Variants in CD163 observed in about 807,000 individuals in gnomAD.
CD163 encodes scavenger receptor cysteine-rich type 1 protein M130.
A neutral mutation model predicts 129.2 loss-of-function variants in CD163; 64 were observed. The observed-to-expected ratio is 0.50, with a 90% CI of 0.41 to 0.61. The LOEUF is 0.61. Ranked by LOEUF, CD163 falls within the 20% of genes least tolerant of loss-of-function variation. CD163 has a pLI of 0.00. For synonymous variants in CD163, 446 were observed against 478.5 expected (o/e 0.93, Z 0.89); for missense variants, 1,061 against 1,377.9 (o/e 0.77, Z 3.64).
chr12:7,503,677 C>T lies in CD163; in HGVS notation c.14G>A (p.Arg5Lys), dbSNP rs766358111. Residue 5 changes from arginine to lysine, a missense_variant, in exon 1 of 17, where the codon AGA becomes AAA. By Grantham distance (26) the Arg-to-Lys change is conservative. Coordinates refer to ENST00000432237, the MANE Select transcript of CD163 (RefSeq NM_203416.4). MSKL[R>K]MVLLEDSGSA... ...TCCAGAGTCTTCAAGTAGCACCATT[C>T]TGAGTTTGCTCATTCCAAAGATTTA... 3.1e-6 allele frequency: 5 copies of T among 1,600,822 alleles called. No individual in the cohort carries two copies. The highest frequency in any genetic ancestry group is 3.4e-6 in the Non-Finnish European group (4 of 1,170,450).
In CD163 at chr12:7,486,906, C is replaced by T. The variant is rs1277333020; in HGVS notation, c.2131G>A (p.Val711Met). The change falls in exon 9 of 17, where the codon GTG becomes ATG. Residue 711 changes from valine (V) to methionine (M), a missense_variant. Physicochemically the swap from Val to Met is conservative, Grantham distance 21. Coordinates refer to ENST00000432237, the MANE Select transcript of CD163 (RefSeq NM_203416.4). ...TRPTIPEESA[V>M]ACIESGQLRL... ...CACAGAGTCTTACCTATGCAGGCCACAGCACTTTCTTCTGGAATGGTAGGC... is the reference window on the plus strand; with the variant it reads ...CACAGAGTCTTACCTATGCAGGCCATAGCACTTTCTTCTGGAATGGTAGGC... 1 of 1,613,912 alleles carries T rather than the reference C, an allele frequency of 6.2e-7. No homozygotes were observed. The highest frequency in any genetic ancestry group is 8.5e-7 in the Non-Finnish European group (1 of 1,179,792).
intron 1 of CD163, 25 bp from the exon 2 acceptor site, chr12:7,502,589 AG>A: frequency 8.3e-7 from 1 of 1,205,170 alleles, no homozygotes; most frequent in Non-Finnish European, 1.2e-6. Context: ...AGAGGGCAAA[AG>A]TAGCATCTTC....
chr12:7,487,456 G>T lies in CD163; in HGVS notation c.1953C>A (p.His651Gln). The change falls in exon 8 of 17, where the codon CAC becomes CAA. Residue 651 changes from histidine to glutamine, a missense_variant. Transcript: ENST00000432237. The surrounding 1 kb of genome is among the most constrained non-coding windows in gnomAD (Gnocchi z 5.1). The part of the protein sequence containing the change: ...GNGQIWRHMF[H>Q]CTGTEQHMGD... ...CCATGTGCTGCTCAGTCCCAGTGCA[G>T]TGAAACATATGCCTCCAGATCTGAC... is the stretch of plus-strand genomic sequence containing the variant. 1 of 1,614,182 alleles carries T rather than the reference G, an allele frequency of 6.2e-7. No individual in the cohort carries two copies. Among genetic ancestry groups the T allele is most frequent in the Non-Finnish European group, 8.5e-7 (1 of 1,180,016 alleles).
intron 16 of CD163, 107 bp downstream of exon 16, chr12:7,479,753 T>C: frequency 8.5e-7 from 1 of 1,178,620 alleles, no homozygotes; most frequent in Non-Finnish European, 1.2e-6. Flanking sequence ...CATAAGCAAA[T>C]AAAATATGTT....
intron 16 of CD163, among the ~76,000 whole-genome samples, chr12:7,476,223 AT>A (rs1949085245): frequency 2.0e-5 from 3 of 152,238 alleles, no homozygotes; most frequent in Non-Finnish European, 4.4e-5. Flanking sequence ...TCTTTACAGA[AT>A]TGGAAAAATC....
rs765420960 is a variant in CD163 at position 7,502,551 on chromosome 12, A to G, written c.60T>C (p.His20=). The G allele has an allele frequency of 6.4e-7, 1 of 1,566,632 alleles. No individual in the cohort carries two copies. Among genetic ancestry groups the G allele is most frequent in the South Asian group, 1.1e-5 (1 of 88,102 alleles). The change falls in exon 2 of 17, where the codon CAT becomes CAC. Residue 20 remains histidine (H), a synonymous_variant. Coordinates refer to ENST00000432237, the MANE Select transcript of CD163 (RefSeq NM_203416.4). ...TGGTGAAGGGACTCAAGTTGACAAA[A>G]TGTCTTCTGAAGTCTGTGAAAAAGA... ...EDSGSADFRR[H]FVNLSPFTIT... is the part of the protein sequence containing the mutation.
At chr12:7,498,305 G>A (rs779861015) in intron 4 of CD163, among the ~76,000 whole-genome samples, 1 of 151,970 alleles carries the variant, frequency 6.6e-6, no homozygotes, top group Non-Finnish European at 1.5e-5. Flanking sequence ...ACACACAAAC[G>A]ATTTTCCCCG....
chr12:7,471,528 T>G (rs1235995905), intron 16 of CD163, 131 bp from the exon 17 acceptor site: 1 of 146,260 alleles, frequency 6.8e-6, no homozygotes, highest in Non-Finnish European at 1.5e-5. Context: ...TTTTAAATGC[T>G]ATTTTTTTTT....
Position 7,487,141 on chromosome 12 carries a change from G to A in CD163, c.2051-155C>T, listed in dbSNP as rs1949262530. Reference sequence around the variant, plus strand: ...GAAATAAATCAGGTGCTTTGAGATGGGCTTGGCACATAGTAAGCACTGGAT... The same window carrying A: ...GAAATAAATCAGGTGCTTTGAGATGAGCTTGGCACATAGTAAGCACTGGAT... On this transcript the variant is annotated intron_variant, in intron 8 of 16. Coordinates refer to ENST00000432237, the MANE Select transcript of CD163 (RefSeq NM_203416.4). This position sits in a 1 kb window ranked among gnomAD's most constrained non-coding sequence, Gnocchi z 5.1. 6.6e-6 allele frequency among the ~76,000 whole-genome samples: 1 copy of A among 152,124 alleles called. No individual in the cohort carries two copies. Among genetic ancestry groups the A allele is most frequent in the South Asian group, 2.1e-4 (1 of 4,820 alleles).
chr12:7,483,565 G>A lies in CD163; in HGVS notation c.2890C>T (p.Gln964Ter). 5.0e-6 allele frequency: 8 copies of A among 1,613,742 alleles called. No homozygotes were observed. The highest frequency in any genetic ancestry group is 6.8e-6 in the Non-Finnish European group (8 of 1,179,946). Reference sequence around the variant, plus strand: ...CAGCCAAGTTGTTGACACACCACCTGAGCATCGTCCAAGTCCCAAGAGTCA... The same window carrying A: ...CAGCCAAGTTGTTGACACACCACCTAAGCATCGTCCAAGTCCCAAGAGTCA... The part of the protein sequence containing the change: ...CDDSWDLDDA[Q>*]VVCQQLGCGP... Residue 964 changes from glutamine (Q) to a stop codon, truncating the protein, a stop_gained, in exon 12 of 17, where the codon CAG (glutamine) becomes TAG (stop). Transcript: ENST00000432237. LOFTEE classifies it high-confidence loss of function.
chr12:7,479,936 A>C, intron 15 of CD163, 23 bp from the exon 16 acceptor site: 1 of 1,612,848 alleles, frequency 6.2e-7, no homozygotes, highest in Non-Finnish European at 8.5e-7. Flanking sequence ...AGAAATAGGA[A>C]GAAATTTAGA....
At chr12:7,502,350 T>A (rs116379607) in intron 2 of CD163, 128 bp downstream of exon 2, 1 of 738,140 alleles carries the variant, frequency 1.4e-6, no homozygotes, top group Non-Finnish European at 2.5e-6. Context: ...TAATATCTGA[T>A]CCTTTGAATA....
At chr12:7,500,350 G>A (rs778718190) in intron 3 of CD163, among the ~76,000 whole-genome samples, 45 of 146,868 alleles carry the variant, frequency 3.1e-4, no homozygotes, top group African/African-American at 1.1e-3. Flanking sequence ...GAACCCGGGA[G>A]GTGGAGGTTG....
intron 6 of CD163, 31 bp downstream of exon 6, chr12:7,495,050 T>C (rs1239999263): frequency 6.4e-7 from 1 of 1,570,720 alleles, no homozygotes; most frequent in Non-Finnish European, 8.8e-7. Context: ...ATTTACACCC[T>C]TCTTCTTAAC....
Position 7,495,156 on chromosome 12 carries a change from G to A in CD163, c.1345C>T (p.Leu449Phe). 6.2e-7 allele frequency: 1 copy of A among 1,614,126 alleles called. No individual in the cohort carries two copies. The highest frequency in any genetic ancestry group is 8.5e-7 in the Non-Finnish European group (1 of 1,179,984). ...LSSCNGNETSLWDCKNWQWGG... is the reference protein window; with the variant it reads ...LSSCNGNETSFWDCKNWQWGG... ...CATTGCCAGTTCTTGCAGTCCCAAA[G>A]AGAAGTTTCATTTCCGTTACAGCTA... The change falls in exon 6 of 17, where the codon CTT (leucine) becomes TTT (phenylalanine). Residue 449 changes from leucine (L) to phenylalanine (F), a missense_variant. Physicochemically the swap from Leu to Phe is conservative, Grantham distance 22 (BLOSUM62 0). Coordinates refer to ENST00000432237, the MANE Select transcript of CD163 (RefSeq NM_203416.4).
intron 16 of CD163, among the ~76,000 whole-genome samples, chr12:7,477,398 A>G (rs1337984714): frequency 1.3e-5 from 2 of 152,202 alleles, no homozygotes; most frequent in Admixed American, 6.5e-5. Context: ...ATGGAATACT[A>G]TAGAGCCATA....
rs958840393 is a variant in CD163, at chr12:7,482,560, A to G, written c.3247+83T>C. 8 of 1,473,748 alleles carry G rather than the reference A, an allele frequency of 5.4e-6. No individual in the cohort carries two copies. In the African/African-American group the frequency reaches 1.1e-4, roughly 21 times the overall value. The allele number at this position is 1,473,748 out of a possible 1,614,324, so 91.3% of individuals were successfully genotyped here. A position where few individuals can be genotyped will look rare whatever the true frequency, so the allele number is the denominator to read the frequency against. ...TCTTTTAGAGTCCATCTTTCTGGCC[A>G]TTAGACTTGAGTCTAATATTTTCGT... On this transcript the variant is annotated intron_variant, in intron 14 of 16. Transcript: ENST00000432237.
chr12:7,483,621 C>T lies in CD163; in HGVS notation c.2834G>A (p.Trp945Ter), dbSNP rs1231948965. ...PTSCSGRVEI[W>*]HGGSWGTVCD... ...CACTGTCCCCCAGGAACCTCCATGC[C>T]AGATCTCCACACGTCCAGAACAGGA... Residue 945 changes from tryptophan (W) to a stop codon, truncating the protein, a stop_gained, in exon 12 of 17, where the codon TGG (tryptophan) becomes TAG (stop). Coordinates refer to ENST00000432237, the MANE Select transcript of CD163 (RefSeq NM_203416.4). LOFTEE classifies it high-confidence loss of function. 1.2e-6 allele frequency: 2 copies of T among 1,613,052 alleles called. No individual in the cohort carries two copies. The highest frequency in any genetic ancestry group is 2.2e-5 in the South Asian group (2 of 91,014).
intron 4 of CD163, among the ~76,000 whole-genome samples, chr12:7,497,651 C>T (rs1949421019): frequency 6.6e-6 from 1 of 152,132 alleles, no homozygotes; most frequent in Admixed American, 6.5e-5. Context: ...TTTCACCTTC[C>T]CCAAATCAAT....
Sources: allele counts gnomAD v4.1 joint callset (sites outside exome capture counted in the v4.1 genomes callset), GRCh38; gene constraint gnomAD v4.1.1; non-coding constraint Gnocchi (gnomAD v3.1); transcripts MANE v1.5; gene names NCBI Gene and HGNC (gene_info 2026-07-23, HGNC 2026-07-21).